Variants in GRM7 observed in about 807,000 individuals in gnomAD.
GRM7 encodes the protein glutamate metabotropic receptor 7.
In GRM7, 35 loss-of-function variants were observed where a neutral mutation model predicts 84.5. The observed-to-expected ratio is 0.41, with a 90% confidence interval of 0.32 to 0.55. GRM7 has a LOEUF of 0.55. Among genes scored for constraint, GRM7 ranks in the 20% least tolerant of loss-of-function variants. GRM7 has a pLI of 0.19. For synonymous variants in GRM7, 487 were observed against 455.1 expected, an observed-to-expected ratio of 1.07 and a Z score of -0.89; for missense variants, 1,003 against 1,194.6, an observed-to-expected ratio of 0.84 and a Z score of 2.36.
chr3:7,116,626 C>T (rs1443064584), intron 1 of GRM7, among the ~76,000 whole-genome samples: 1 of 152,100 alleles, frequency 6.6e-6, no homozygotes, highest in African/African-American at 2.4e-5. Context: ...CTGTACCAAG[C>T]AAAATAAATT....
chr3:7,457,936 G>A (rs935620818), intron 6 of GRM7, among the ~76,000 whole-genome samples: 1 of 152,130 alleles, frequency 6.6e-6, no homozygotes, highest in Non-Finnish European at 1.5e-5. Context: ...ACAGAGCTCT[G>A]ACCAAATTAC....
At chr3:7,732,076 C>G (rs781673544) in intron 9 of GRM7, among the ~76,000 whole-genome samples, 2 of 152,046 alleles carry the variant, frequency 1.3e-5, no homozygotes, top group Non-Finnish European at 2.9e-5. Context: ...GACAGAGTCT[C>G]GCTTTGTCGC....
At chr3:7,347,805 C>T (rs777427785) in intron 4 of GRM7, among the ~76,000 whole-genome samples, 3 of 152,148 alleles carry the variant, frequency 2.0e-5, no homozygotes, top group Non-Finnish European at 2.9e-5. Context: ...TTCCATGTTT[C>T]TTCTCCAGCA....
chr3:6,886,211 C>T (rs939232466), intron 1 of GRM7, among the ~76,000 whole-genome samples: 3 of 152,022 alleles, frequency 2.0e-5, no homozygotes, highest in Non-Finnish European at 4.4e-5. Flanking sequence ...GTTGTACATT[C>T]GATCTGAAGG....
chr3:7,697,190 A>G (rs760313269), intron 9 of GRM7, among the ~76,000 whole-genome samples: 16 of 152,238 alleles, frequency 1.1e-4, no homozygotes, highest in Non-Finnish European at 1.9e-4. Flanking sequence ...CCAGAAGTAT[A>G]AAATAGGCAA....
At chr3:7,258,515 AGTAGCCACAGACAAATG>A (rs1227224706) in intron 2 of GRM7, among the ~76,000 whole-genome samples, 3 of 152,258 alleles carry the variant, frequency 2.0e-5, no homozygotes, top group African/African-American at 7.2e-5. Flanking sequence ...GTCTAAAAGT[AGTAGCCACAGACAAATG>A]GTTTCATTGG....
intron 2 of GRM7, among the ~76,000 whole-genome samples, chr3:7,158,242 AAC>A (rs920545230): frequency 6.6e-6 from 1 of 152,194 alleles, no homozygotes; most frequent in African/African-American, 2.4e-5. Context: ...CAAGTAGGCT[AAC>A]ACAGAGAAAG....
At chr3:6,893,750 G>A (rs1336903262) in intron 1 of GRM7, among the ~76,000 whole-genome samples, 1 of 151,902 alleles carries the variant, frequency 6.6e-6, no homozygotes, top group Non-Finnish European at 1.5e-5. Flanking sequence ...TTTTACATTT[G>A]GTTATTAGTT....
intron 2 of GRM7, among the ~76,000 whole-genome samples, chr3:7,285,557 A>T (rs1699402436): frequency 6.6e-6 from 1 of 152,156 alleles, no homozygotes; most frequent in Non-Finnish European, 1.5e-5. Context: ...AGTACAGGTA[A>T]CAGAGGAACT....
chr3:7,316,462 A>G (rs529520461), intron 4 of GRM7, among the ~76,000 whole-genome samples: 37 of 152,276 alleles, frequency 2.4e-4, no homozygotes, highest in African/African-American at 8.9e-4. Context: ...AACAAATGAG[A>G]GATGACAGTA....
intron 2 of GRM7, among the ~76,000 whole-genome samples, chr3:7,160,949 C>T (rs1694604558): frequency 6.6e-6 from 1 of 152,094 alleles, no homozygotes; most frequent in South Asian, 2.1e-4. Flanking sequence ...ACAGTGTGTT[C>T]TCAAATATTT....
chr3:7,179,162 C>T (rs1695255206), intron 2 of GRM7, among the ~76,000 whole-genome samples: 1 of 152,092 alleles, frequency 6.6e-6, no homozygotes, highest in Admixed American at 6.6e-5. Flanking sequence ...ACACTGCAAA[C>T]TTCACTTTGT....
At chr3:7,143,302 T>A (rs896988355) in intron 1 of GRM7, among the ~76,000 whole-genome samples, 4 of 152,164 alleles carry the variant, frequency 2.6e-5, no homozygotes, top group Admixed American at 2.0e-4. Context: ...AGCAACATCA[T>A]TTTTCACAGG....
intron 1 of GRM7, among the ~76,000 whole-genome samples, chr3:6,931,456 G>A (rs1697497797): frequency 6.6e-6 from 1 of 152,144 alleles, no homozygotes; most frequent in Non-Finnish European, 1.5e-5. Context: ...CGTGGCTGTA[G>A]AGTCCATTTC....
chr3:7,315,750 A>G (rs934849514), intron 4 of GRM7, among the ~76,000 whole-genome samples: 2 of 151,956 alleles, frequency 1.3e-5, no homozygotes, highest in African/African-American at 4.8e-5. Context: ...TTCCCATCCT[A>G]TTTGTCTTTT....
chr3:7,384,746 A>C (rs1365429155), intron 4 of GRM7, among the ~76,000 whole-genome samples: 1 of 152,202 alleles, frequency 6.6e-6, no homozygotes, highest in Non-Finnish European at 1.5e-5. Context: ...AGTCGAATAC[A>C]GCAGGTGTAC....
intron 4 of GRM7, among the ~76,000 whole-genome samples, chr3:7,310,471 A>G (rs1189952267): frequency 3.3e-5 from 5 of 152,200 alleles, no homozygotes; most frequent in African/African-American, 1.2e-4. Flanking sequence ...CCTGGCTCCA[A>G]TTTAGATATG....
At chr3:6,888,363 A>T (rs1219671829) in intron 1 of GRM7, among the ~76,000 whole-genome samples, 1 of 152,142 alleles carries the variant, frequency 6.6e-6, no homozygotes, top group East Asian at 1.9e-4. Context: ...TTATGGTTTT[A>T]TGTCTAACGT....
intron 8 of GRM7, among the ~76,000 whole-genome samples, chr3:7,600,918 T>C (rs1445147569): frequency 1.3e-5 from 2 of 152,100 alleles, no homozygotes; most frequent in Non-Finnish European, 2.9e-5. Flanking sequence ...CAGACAGAAA[T>C]AGATAGCAAT....
Sources: allele counts gnomAD v4.1 joint callset (sites outside exome capture counted in the v4.1 genomes callset), GRCh38; gene constraint gnomAD v4.1.1; transcripts MANE v1.5; gene names NCBI Gene and HGNC (gene_info 2026-07-23, HGNC 2026-07-21).